TLL2: variants seen among roughly 807,000 people sequenced by gnomAD.
TLL2 encodes the protein tolloid like 2, also known as tolloid-like protein 2.
TLL2 carries 106 observed loss-of-function variants against 123.0 expected under a neutral mutation model. The ratio of observed to expected loss-of-function variants is 0.86; its 90% CI spans 0.74 to 1.01. The LOEUF (loss-of-function observed/expected upper bound fraction) is 1.01, where lower values mean the gene tolerates loss of function less well. TLL2 is among the 50% of genes least tolerant of loss of function. TLL2 has a pLI of 0.00. For missense variants in TLL2, 1,332 were observed against 1,336.7 expected (o/e 1.00, Z 0.06); for synonymous variants, 494 against 516.8 (o/e 0.96, Z 0.60).
At chr10:96,415,731 CTCTCTCTG>C (rs2134072580) in intron 7 of TLL2, among the ~76,000 whole-genome samples, 2 of 80,368 alleles carry the variant, frequency 2.5e-5, no homozygotes, top group Non-Finnish European at 4.8e-5. Flanking sequence ...CTCTCTCTGT[CTCTCTCTG>C]TCTCTCTCTC....
intron 1 of TLL2, among the ~76,000 whole-genome samples, chr10:96,481,623 A>C (rs528818367): frequency 6.6e-6 from 1 of 152,320 alleles, no homozygotes; most frequent in Non-Finnish European, 1.5e-5. Flanking sequence ...GTATTTAGTC[A>C]AAGTGTTGCC....
rs570039846 is a variant in TLL2 at position 96,423,144 on chromosome 10, A to G, written c.639-417T>C. On this transcript the variant is annotated intron_variant, in intron 5 of 20. Coordinates refer to ENST00000357947, the MANE Select transcript of TLL2 (RefSeq NM_012465.4). Reference sequence around the variant, plus strand: ...ACACCGTCTCAAAAAAAAAAAAAAAAAAGAAAAGAAACAGAATTTCAGAAG... The same window carrying G: ...ACACCGTCTCAAAAAAAAAAAAAAAGAAGAAAAGAAACAGAATTTCAGAAG... 1.7e-4 allele frequency among the ~76,000 whole-genome samples: 26 copies of G among 151,926 alleles called. No individual in the cohort carries two copies. The South Asian group carries it at 4.8e-3, about 28-fold the overall frequency.
intron 2 of TLL2, among the ~76,000 whole-genome samples, chr10:96,471,748 G>A (rs1391027253): frequency 6.6e-6 from 1 of 152,086 alleles, no homozygotes; most frequent in Non-Finnish European, 1.5e-5. Flanking sequence ...CGACACCCAC[G>A]TCTTCCCACA....
chr10:96,446,293 G>A (rs199968397), intron 2 of TLL2, 125 bp from the exon 3 acceptor site: 38 of 868,444 alleles, frequency 4.4e-5, no homozygotes, highest in African/African-American at 1.3e-4. Context: ...CGTAAGCTTC[G>A]TTCCACAAAT....
At chr10:96,399,629 G>C (rs1846374746) in intron 10 of TLL2, among the ~76,000 whole-genome samples, 1 of 152,238 alleles carries the variant, frequency 6.6e-6, no homozygotes, top group Non-Finnish European at 1.5e-5. Flanking sequence ...CTCTGGCACG[G>C]CCAATTAGTG....
intron 5 of TLL2, among the ~76,000 whole-genome samples, chr10:96,425,881 C>G (rs1589419639): frequency 1.3e-5 from 2 of 151,952 alleles, no homozygotes; most frequent in East Asian, 3.8e-4. Flanking sequence ...CAAAACAATG[C>G]TAAATAATTG....
At chr10:96,456,697 T>C (rs1847019735) in intron 2 of TLL2, among the ~76,000 whole-genome samples, 3 of 152,188 alleles carry the variant, frequency 2.0e-5, no homozygotes, top group Admixed American at 1.3e-4. Flanking sequence ...CTCGGAGCCA[T>C]CCAAGGTGCA....
intron 1 of TLL2, among the ~76,000 whole-genome samples, chr10:96,511,344 G>C (rs1228995127): frequency 6.6e-6 from 1 of 152,234 alleles, no homozygotes. Flanking sequence ...ATTTCCAAGA[G>C]GATGGGCGGA....
chr10:96,476,808 T>TG (rs1847258048), intron 2 of TLL2, among the ~76,000 whole-genome samples: 2 of 151,146 alleles, frequency 1.3e-5, no homozygotes, highest in Non-Finnish European at 2.9e-5. Context: ...AGTAAAAAAT[T>TG]CAGACAACAC....
intron 10 of TLL2, among the ~76,000 whole-genome samples, chr10:96,400,452 C>T (rs1164892074): frequency 6.6e-6 from 1 of 151,784 alleles, no homozygotes; most frequent in Non-Finnish European, 1.5e-5. Context: ...CAAATCTACT[C>T]TCTAGTAATG....
At chr10:96,439,337 G>T (rs1267911110) in intron 3 of TLL2, among the ~76,000 whole-genome samples, 1 of 151,414 alleles carries the variant, frequency 6.6e-6, no homozygotes, top group African/African-American at 2.4e-5. Context: ...CTGGCCTCAA[G>T]TGATCCACCC....
chr10:96,493,517 G>A (rs1450528701), intron 1 of TLL2, among the ~76,000 whole-genome samples: 2 of 152,118 alleles, frequency 1.3e-5, no homozygotes, highest in Admixed American at 6.5e-5. Flanking sequence ...TGGAGTGGGG[G>A]GCCCAGCCAT....
intron 11 of TLL2, among the ~76,000 whole-genome samples, 189 bp from the exon 12 acceptor site, chr10:96,396,209 A>AT (rs1004798970): frequency 7.0e-4 from 105 of 149,464 alleles, no homozygotes; most frequent in Non-Finnish European, 2.7e-4. Context: ...TTAACTCTGA[A>AT]TTTTTTTCAT....
chr10:96,509,713 C>T (rs575568719), intron 1 of TLL2, among the ~76,000 whole-genome samples: 15 of 152,316 alleles, frequency 9.8e-5, no homozygotes, highest in Non-Finnish European at 1.2e-4. Flanking sequence ...TTTGGGAGGC[C>T]GAGGCGGGCA....
intron 5 of TLL2, among the ~76,000 whole-genome samples, 170 bp from the exon 6 acceptor site, chr10:96,422,897 G>A (rs1010636080): frequency 1.3e-5 from 2 of 152,200 alleles, no homozygotes; most frequent in East Asian, 3.8e-4. Flanking sequence ...GGAGGCCGAG[G>A]TGGGCGGATC....
intron 16 of TLL2, among the ~76,000 whole-genome samples, chr10:96,384,254 G>A (rs1846209639): frequency 6.6e-6 from 1 of 152,178 alleles, no homozygotes; most frequent in Non-Finnish European, 1.5e-5. Flanking sequence ...GGAAGAGGCA[G>A]GGAGGGATTC....
chr10:96,490,538 G>A (rs1296873510), intron 1 of TLL2, among the ~76,000 whole-genome samples: 1 of 152,212 alleles, frequency 6.6e-6, no homozygotes, highest in Non-Finnish European at 1.5e-5. Context: ...TGACGTTGAA[G>A]CAAATGGGTT....
chr10:96,410,554 CA>C (rs778076120), intron 8 of TLL2, 80 bp from the exon 9 acceptor site: 1 of 1,085,788 alleles, frequency 9.2e-7, no homozygotes. Flanking sequence ...GGCAGCGGAG[CA>C]AACATACCCC....
intron 2 of TLL2, among the ~76,000 whole-genome samples, chr10:96,462,206 C>A (rs1042856656): frequency 6.6e-6 from 1 of 152,186 alleles, no homozygotes; most frequent in Non-Finnish European, 1.5e-5. Context: ...CCTGTGGTCA[C>A]TGTGGTGTTT....
Sources: gnomAD v4.1 joint callset for allele counts (sites outside exome capture counted in the v4.1 genomes callset) on GRCh38, gnomAD v4.1.1 for gene constraint, MANE v1.5 for transcripts, NCBI Gene and HGNC (gene_info 2026-07-23, HGNC 2026-07-21) for gene names.